Variants in MCM5 observed in about 807,000 individuals in gnomAD.
MCM5 encodes the protein minichromosome maintenance complex component 5.
A neutral mutation model predicts 79.9 loss-of-function variants in MCM5; 46 were observed. The ratio of observed to expected loss-of-function variants is 0.58; its 90% confidence interval spans 0.45 to 0.74. The LOEUF (loss-of-function observed/expected upper bound fraction) is 0.74. Ranked by LOEUF, MCM5 falls within the 30% of genes least tolerant of loss-of-function variation. The pLI is 0.00. For missense variants in MCM5, 883 were observed against 1,017.0 expected (o/e 0.87, Z 1.79); for synonymous variants, 404 against 390.5 (o/e 1.03, Z -0.41).
chr22:35,432,199 C>G, the MCM5 span, among the ~76,000 whole-genome samples: 1 of 152,208 alleles, frequency 6.6e-6, no homozygotes, highest in Non-Finnish European at 1.5e-5. Flanking sequence ...GAGAACAAAG[C>G]ATGTTTCTTC....
intron 13 of MCM5, among the ~76,000 whole-genome samples, chr22:35,419,471 GT>G (rs949622480): frequency 1.8e-4 from 27 of 152,312 alleles, no homozygotes; most frequent in African/African-American, 6.3e-4. Flanking sequence ...CTTCAGATGT[GT>G]TGGGTGGAGG....
At chr22:35,441,055 CAA>C in the MCM5 span, among the ~76,000 whole-genome samples, 11 of 96,148 alleles carry the variant, frequency 1.1e-4, no homozygotes, top group Admixed American at 2.2e-4. Flanking sequence ...GAAACTCTGT[CAA>C]AAAAAAAAAA....
chr22:35,438,246 TTCATCCAC>T, the MCM5 span, among the ~76,000 whole-genome samples: 10 of 60,284 alleles, frequency 1.7e-4, no homozygotes, highest in East Asian at 7.8e-4. Context: ...CACCCACATA[TTCATCCAC>T]CCACCCACCC....
the MCM5 span, among the ~76,000 whole-genome samples, chr22:35,438,943 C>T: frequency 6.7e-6 from 1 of 149,764 alleles, no homozygotes; most frequent in Non-Finnish European, 1.5e-5. Context: ...ATCCATTCAT[C>T]CATCCATGCA....
chr22:35,421,490 T>C (rs574080752), intron 15 of MCM5, 30 bp downstream of exon 15: 10 of 1,613,738 alleles, frequency 6.2e-6, no homozygotes, highest in African/African-American at 2.7e-5. Flanking sequence ...ATGGTCTCAA[T>C]TGATCTGGGT....
At chr22:35,443,336 A>G in the MCM5 span, among the ~76,000 whole-genome samples, 1 of 152,214 alleles carries the variant, frequency 6.6e-6, no homozygotes, top group South Asian at 2.1e-4. Flanking sequence ...ACAGATGTGC[A>G]CCACCACGCC....
the MCM5 span, among the ~76,000 whole-genome samples, chr22:35,442,498 C>G: frequency 6.6e-6 from 1 of 152,174 alleles, no homozygotes; most frequent in Non-Finnish European, 1.5e-5. Context: ...AAAGTGCAGG[C>G]AGGGCTGGTT....
the MCM5 span, among the ~76,000 whole-genome samples, chr22:35,438,759 T>C: frequency 1.9e-4 from 21 of 108,906 alleles, no homozygotes; most frequent in South Asian, 3.7e-4. Flanking sequence ...ACCCATCCAT[T>C]CATCCATCTA....
Position 35,410,896 on chromosome 22 carries a change from A to G in MCM5, c.905A>G (p.Asp302Gly). The G allele has an allele frequency of 6.2e-7, 1 of 1,604,690 alleles. No homozygotes were observed. Among genetic ancestry groups the G allele is most frequent in the South Asian group, 1.1e-5 (1 of 90,310 alleles). The change falls in exon 7 of 17, where the codon GAC becomes GGC. Residue 302 changes from aspartate to glycine, a missense_variant. By Grantham distance (94) the Asp-to-Gly change is moderately conservative. Transcript: ENST00000216122. ...SYIRVLGIQV[D>G]TDGSGRSFAG... Reference sequence around the variant, plus strand: ...ATCCGTGTCCTGGGCATCCAGGTGGACACAGATGGCTCTGGTGAGTTGGCT... The same window carrying G: ...ATCCGTGTCCTGGGCATCCAGGTGGGCACAGATGGCTCTGGTGAGTTGGCT...
the MCM5 span, among the ~76,000 whole-genome samples, chr22:35,452,908 A>C: frequency 6.6e-6 from 1 of 151,236 alleles, no homozygotes; most frequent in Admixed American, 6.6e-5. Context: ...CCTTCATGTC[A>C]CTCTGGAGCA....
chr22:35,422,225 G>C (rs947609145), intron 15 of MCM5: 4 of 153,866 alleles, frequency 2.6e-5, no homozygotes, highest in Admixed American at 6.4e-5. Flanking sequence ...AGGTAGTGTA[G>C]GTAGTGAAAA....
chr22:35,403,945 A>AC (rs1037483986), intron 4 of MCM5, among the ~76,000 whole-genome samples: 64 of 151,548 alleles, frequency 4.2e-4, no homozygotes, highest in African/African-American at 9.9e-4. Context: ...ACAAAACAAA[A>AC]AAAAAACAAA....
chr22:35,406,732 CTG>C lies in MCM5; in HGVS notation c.596+10_596+11del, dbSNP rs1468877077. ...TGCCCAGGAAGTGCAACACGTGAGT[CTG>C]TGGCCCAGAGGGACTGTGGGAGGTG... On this transcript the variant is annotated splice_region_variant and intron_variant, in intron 5 of 16. Transcript: ENST00000216122. 18 of 1,605,388 alleles carry C rather than the reference CTG, an allele frequency of 1.1e-5. No homozygotes were observed. Among genetic ancestry groups the C allele is most frequent in the Non-Finnish European group, 1.5e-5 (18 of 1,179,850 alleles).
chr22:35,442,499 A>G, the MCM5 span, among the ~76,000 whole-genome samples: 1 of 152,200 alleles, frequency 6.6e-6, no homozygotes, highest in African/African-American at 2.4e-5. Context: ...AAGTGCAGGC[A>G]GGGCTGGTTC....
At chr22:35,432,325 G>A in the MCM5 span, among the ~76,000 whole-genome samples, 16 of 152,344 alleles carry the variant, frequency 1.1e-4, no homozygotes, top group African/African-American at 3.8e-4. Context: ...GGCCTGGTGT[G>A]TGGGTACCGG....
chr22:35,408,009 C>T (rs1932268277), intron 5 of MCM5, among the ~76,000 whole-genome samples: 1 of 152,158 alleles, frequency 6.6e-6, no homozygotes, highest in Admixed American at 6.6e-5. Context: ...GGCTTAGACC[C>T]TCAGAATGGT....
chr22:35,438,527 C>CCA, the MCM5 span, among the ~76,000 whole-genome samples: 2 of 120,460 alleles, frequency 1.7e-5, no homozygotes, highest in Admixed American at 8.4e-5. Context: ...ATCCATCCAT[C>CCA]TACATATTCA....
At chr22:35,429,535 GTTC>G (rs1932799313), downstream of MCM5, among the ~76,000 whole-genome samples, 2 of 151,194 alleles carry the variant, frequency 1.3e-5, no homozygotes, top group Non-Finnish European at 3.0e-5. Context: ...CTTGTTTTTT[GTTC>G]TTCCTTTTTT....
At chr22:35,405,871 C>T (rs1932196324) in intron 4 of MCM5, among the ~76,000 whole-genome samples, 1 of 151,818 alleles carries the variant, frequency 6.6e-6, no homozygotes, top group Non-Finnish European at 1.5e-5. Flanking sequence ...GTTAGCTGGA[C>T]ATGGTGGCAG....
Sources: allele counts gnomAD v4.1 joint callset (sites outside exome capture counted in the v4.1 genomes callset), GRCh38; gene constraint gnomAD v4.1.1; transcripts MANE v1.5; gene names NCBI Gene and HGNC (gene_info 2026-07-23, HGNC 2026-07-21).